The following CADPS2 variants were observed in gnomAD, a reference collection of about 807,000 sequenced individuals.
The protein encoded by CADPS2 is calcium-dependent secretion activator 2.
In CADPS2, 93 loss-of-function variants were observed where a neutral mutation model predicts 172.5. The observed-to-expected ratio is 0.54, with a 90% CI of 0.46 to 0.64. The LOEUF (loss-of-function observed/expected upper bound fraction) is 0.64. CADPS2 is among the 30% of genes least tolerant of loss of function. CADPS2 has a pLI of 0.00. For missense variants in CADPS2, 1,420 were observed against 1,565.9 expected (o/e 0.91, Z 1.57); for synonymous variants, 546 against 555.2 (o/e 0.98, Z 0.23).
chr7:122,624,379 T>C (rs555423116), intron 4 of CADPS2, among the ~76,000 whole-genome samples: 3 of 152,296 alleles, frequency 2.0e-5, no homozygotes, highest in Admixed American at 2.0e-4. Flanking sequence ...TTAAAAAGTT[T>C]TTCTCATTAT....
chr7:122,729,264 T>A (rs1043270393), intron 2 of CADPS2, among the ~76,000 whole-genome samples: 4 of 151,856 alleles, frequency 2.6e-5, no homozygotes, highest in Non-Finnish European at 5.9e-5. Flanking sequence ...TATCCATTCA[T>A]CTGTTGATAG....
At chr7:122,359,681 G>T (rs1563144453) in intron 27 of CADPS2, among the ~76,000 whole-genome samples, 1 of 151,972 alleles carries the variant, frequency 6.6e-6, no homozygotes, top group African/African-American at 2.4e-5. Context: ...GCTTTGTGGG[G>T]CTCTACATAT....
chr7:122,698,255 T>C, intron 2 of CADPS2: 3 of 1,614,028 alleles, frequency 1.9e-6, no homozygotes, highest in Non-Finnish European at 2.5e-6. Context: ...CGCTGCCATC[T>C]CCGGTTCTGA....
chr7:122,852,543 C>T (rs1395028144), intron 1 of CADPS2, among the ~76,000 whole-genome samples: 2 of 152,080 alleles, frequency 1.3e-5, no homozygotes, highest in African/African-American at 2.4e-5. Context: ...GGGAAAGCCT[C>T]ATTGAGTTAA....
At chr7:122,531,867 C>T (rs543721344) in intron 8 of CADPS2, among the ~76,000 whole-genome samples, 1 of 152,030 alleles carries the variant, frequency 6.6e-6, no homozygotes, top group East Asian at 1.9e-4. Flanking sequence ...CCCATCTCTA[C>T]TAAAAATACA....
chr7:122,629,439 G>T, intron 3 of CADPS2, 111 bp from the exon 4 acceptor site: 1 of 585,532 alleles, frequency 1.7e-6, no homozygotes, highest in Non-Finnish European at 2.7e-6. Context: ...ACTGAAAAAT[G>T]TTTAATAGAT....
At chr7:122,490,030 T>C in intron 11 of CADPS2, 51 bp downstream of exon 11, 2 of 1,503,150 alleles carry the variant, frequency 1.3e-6, no homozygotes, top group Non-Finnish European at 1.8e-6. Context: ...CAATTTTATA[T>C]CTTATTAAGG....
At chr7:122,540,499 AT>A (rs1408037473) in intron 8 of CADPS2, among the ~76,000 whole-genome samples, 1 of 152,138 alleles carries the variant, frequency 6.6e-6, no homozygotes, top group Non-Finnish European at 1.5e-5. Flanking sequence ...TTGGAACTAA[AT>A]TTATATCTCG....
At chr7:122,609,808 G>T (rs971326547) in intron 6 of CADPS2, among the ~76,000 whole-genome samples, 1 of 152,116 alleles carries the variant, frequency 6.6e-6, no homozygotes, top group African/African-American at 2.4e-5. Flanking sequence ...CAGACAGAAG[G>T]ATGAATTTAT....
chr7:122,788,186 T>C (rs1794488890), intron 1 of CADPS2, among the ~76,000 whole-genome samples: 1 of 152,176 alleles, frequency 6.6e-6, no homozygotes, highest in Non-Finnish European at 1.5e-5. Context: ...TAAAGTGTCT[T>C]AACAACCCCT....
chr7:122,606,353 C>T (rs919150114), intron 6 of CADPS2, among the ~76,000 whole-genome samples: 13 of 152,246 alleles, frequency 8.5e-5, no homozygotes, highest in African/African-American at 2.6e-4. Flanking sequence ...AGGGTTCCTA[C>T]TCAGTCCTAT....
chr7:122,438,593 T>C (rs1316861597), intron 16 of CADPS2, 129 bp from the exon 17 acceptor site: 1 of 1,089,928 alleles, frequency 9.2e-7, no homozygotes, highest in Non-Finnish European at 1.3e-6. Flanking sequence ...CTGACTATTA[T>C]TAGGGAGAGG....
At chr7:122,496,799 G>C (rs912448577) in intron 9 of CADPS2, among the ~76,000 whole-genome samples, 1 of 152,078 alleles carries the variant, frequency 6.6e-6, no homozygotes, top group Non-Finnish European at 1.5e-5. Flanking sequence ...AAGAGTGCAT[G>C]TCTTGTAATT....
intron 25 of CADPS2, among the ~76,000 whole-genome samples, chr7:122,365,655 G>C (rs1298276145): frequency 6.6e-6 from 1 of 152,144 alleles, no homozygotes; most frequent in Non-Finnish European, 1.5e-5. Context: ...TGTCGGGTTG[G>C]AATGAAACAC....
chr7:122,436,174 G>A (rs1383311605), intron 17 of CADPS2, among the ~76,000 whole-genome samples: 1 of 152,030 alleles, frequency 6.6e-6, no homozygotes, highest in African/African-American at 2.4e-5. Flanking sequence ...AACTTTCGTA[G>A]GTGATGAACA....
At chr7:122,588,022 T>C (rs1027054948) in intron 6 of CADPS2, among the ~76,000 whole-genome samples, 1 of 152,122 alleles carries the variant, frequency 6.6e-6, no homozygotes, top group Admixed American at 6.6e-5. Flanking sequence ...TTGAACAGTA[T>C]CTGTTTATGT....
intron 25 of CADPS2, among the ~76,000 whole-genome samples, chr7:122,378,236 C>T (rs1025830688): frequency 1.3e-5 from 2 of 151,852 alleles, no homozygotes. Flanking sequence ...GTGACAAGTA[C>T]CAATAATATA....
chr7:122,861,204 A>AT (rs1253327992), intron 1 of CADPS2, among the ~76,000 whole-genome samples: 1 of 152,088 alleles, frequency 6.6e-6, no homozygotes, highest in Admixed American at 6.5e-5. Context: ...GGCTGTGCCA[A>AT]TTTACATTCC....
chr7:122,820,549 GT>G (rs1185277617), intron 1 of CADPS2, among the ~76,000 whole-genome samples: 4 of 99,794 alleles, frequency 4.0e-5, no homozygotes, highest in African/African-American at 1.3e-4. Flanking sequence ...ACTGTTTTTT[GT>G]TTTTTGTTTT....
Sources: allele counts gnomAD v4.1 joint callset (sites outside exome capture counted in the v4.1 genomes callset), GRCh38; gene constraint gnomAD v4.1.1; transcripts MANE v1.5; gene names NCBI Gene and HGNC (gene_info 2026-07-23, HGNC 2026-07-21).